HDAC4: variants seen among roughly 807,000 people sequenced by gnomAD.
HDAC4 encodes the protein histone deacetylase A.
In HDAC4, 16 loss-of-function variants were observed where a neutral mutation model predicts 135.1. That is an observed-to-expected ratio of 0.12 (90% CI 0.08 to 0.18). The LOEUF (loss-of-function observed/expected upper bound fraction) is 0.18, where lower values mean the gene tolerates loss of function less well. Among genes scored for constraint, HDAC4 ranks in the 10% least tolerant of loss-of-function variants. The pLI, the probability that HDAC4 is intolerant of heterozygous loss-of-function variation, is 1.00. For missense variants in HDAC4, 1,143 were observed against 1,511.8 expected, an observed-to-expected ratio of 0.76 and a Z score of 4.05; for synonymous variants, 685 against 653.4, an observed-to-expected ratio of 1.05 and a Z score of -0.74.
intron 22 of HDAC4, among the ~76,000 whole-genome samples, chr2:239,072,483 G>A (rs780694200): frequency 1.2e-4 from 18 of 152,192 alleles, no homozygotes; most frequent in Non-Finnish European, 2.4e-4. Context: ...AGCCTGTCCT[G>A]CACCGAAGCA....
chr2:239,384,236 G>A (rs1447795886), intron 1 of HDAC4, among the ~76,000 whole-genome samples: 1 of 152,138 alleles, frequency 6.6e-6, no homozygotes, highest in Non-Finnish European at 1.5e-5. Flanking sequence ...TGCGTGGGCT[G>A]AAAAGATCCA....
chr2:239,158,644 A>AGACCTCACAGGAGC (rs1443318240), intron 6 of HDAC4, among the ~76,000 whole-genome samples: 2 of 152,026 alleles, frequency 1.3e-5, no homozygotes, highest in African/African-American at 4.8e-5. Flanking sequence ...ATGGATCCAG[A>AGACCTCACAGGAGC]GACCTCACAG....
chr2:239,069,990 C>T (rs2034006067), intron 22 of HDAC4, among the ~76,000 whole-genome samples: 1 of 151,958 alleles, frequency 6.6e-6, no homozygotes. Flanking sequence ...CCACCCTGGC[C>T]CTGTCCCGTC....
At chr2:239,334,207 T>C (rs777039775) in intron 2 of HDAC4, among the ~76,000 whole-genome samples, 29 of 151,958 alleles carry the variant, frequency 1.9e-4, no homozygotes, top group Non-Finnish European at 1.0e-4. Context: ...AACCTAGAAG[T>C]AAATCTAACA....
intron 5 of HDAC4, among the ~76,000 whole-genome samples, chr2:239,173,357 A>G: frequency 6.6e-6 from 1 of 152,238 alleles, no homozygotes; most frequent in East Asian, 1.9e-4. Flanking sequence ...TTTATATTCA[A>G]ATAAATCCAT....
chr2:239,170,033 T>G (rs1028983952), intron 5 of HDAC4, among the ~76,000 whole-genome samples: 2 of 152,118 alleles, frequency 1.3e-5, no homozygotes, highest in African/African-American at 2.4e-5. Context: ...CCAGTTAAAG[T>G]GAAAAAACAT....
chr2:239,379,162 GGCC>G lies in HDAC4; in HGVS notation c.-220+21813_-220+21815del, dbSNP rs1463024020. 3.9e-5 allele frequency among the ~76,000 whole-genome samples: 6 copies of G among 152,326 alleles called. No individual in the cohort carries two copies. The South Asian group carries it at 1.0e-3, about 26-fold the overall frequency. On this transcript the variant is annotated intron_variant, in intron 1 of 26. Coordinates refer to ENST00000543185, the MANE Select transcript of HDAC4 (RefSeq NM_001378414.1). The stretch of plus-strand genomic sequence containing the variant: ...CAGGAAGGCAGGAGCTGGGGGTGGA[GGCC>G]GCCAAGAAAAGCTGTTCCTCGGAGG...
rs559381348 is a variant in HDAC4, at chr2:239,391,732, C to A, written c.-220+9246G>T. Among the ~76,000 whole-genome samples, 76 of 152,272 alleles carry A rather than the reference C, an allele frequency of 5.0e-4. No homozygotes were observed. In the South Asian group the frequency reaches 0.016, roughly 31 times the overall value. On this transcript the variant is annotated intron_variant, in intron 1 of 26. Coordinates refer to ENST00000543185, the MANE Select transcript of HDAC4 (RefSeq NM_001378414.1). Reference sequence around the variant, plus strand: ...CACTGCAGGCACATTGGCAGTGTGACGAGCAGGAGAGAGCACATCCACCAA... The same window carrying A: ...CACTGCAGGCACATTGGCAGTGTGAAGAGCAGGAGAGAGCACATCCACCAA...
chr2:239,290,716 A>G (rs575778740), intron 2 of HDAC4, among the ~76,000 whole-genome samples: 1 of 151,996 alleles, frequency 6.6e-6, no homozygotes, highest in East Asian at 1.9e-4. Context: ...ACACACTCAC[A>G]TACGCACTCA....
chr2:239,158,062 G>A (rs1294898451), intron 6 of HDAC4, among the ~76,000 whole-genome samples: 1 of 152,244 alleles, frequency 6.6e-6, no homozygotes, highest in Non-Finnish European at 1.5e-5. Flanking sequence ...TGCAGGGCTG[G>A]GACACGCCTG....
chr2:239,115,341 G>C lies in HDAC4; in HGVS notation c.1534-31C>G, dbSNP rs768376357. 7 of 1,612,544 alleles carry C rather than the reference G, an allele frequency of 4.3e-6. No homozygotes were observed. Among genetic ancestry groups the C allele is most frequent in the African/African-American group, 1.3e-5 (1 of 74,922 alleles). ...AGGCGGAGGTAACACATGAAGCACA[G>C]AGAGCTGGGTCCTCTGAGCTCATCT... On this transcript the variant is annotated intron_variant, in intron 12 of 26. Coordinates refer to ENST00000543185, the MANE Select transcript of HDAC4 (RefSeq NM_001378414.1). This position sits in a 1 kb window ranked among gnomAD's most constrained non-coding sequence, Gnocchi z 6.3.
intron 2 of HDAC4, among the ~76,000 whole-genome samples, chr2:239,278,841 CG>C (rs1364231953): frequency 3.3e-5 from 5 of 152,032 alleles, no homozygotes; most frequent in African/African-American, 1.2e-4. Flanking sequence ...CCATTGGGGC[CG>C]GGGCCGGGAA....
At chr2:239,237,558 T>G (rs1455271369) in intron 2 of HDAC4, among the ~76,000 whole-genome samples, 1 of 148,866 alleles carries the variant, frequency 6.7e-6, no homozygotes, top group Non-Finnish European at 1.5e-5. Context: ...CAAAAACGAC[T>G]AACATCAGGT....
intron 16 of HDAC4, among the ~76,000 whole-genome samples, chr2:239,101,117 G>T (rs534707872): frequency 6.6e-6 from 1 of 152,264 alleles, no homozygotes; most frequent in South Asian, 2.1e-4. Flanking sequence ...TCGTGAACCT[G>T]CTCAGCCACA....
chr2:239,212,409 A>G (rs2046394620), intron 3 of HDAC4, among the ~76,000 whole-genome samples: 1 of 152,196 alleles, frequency 6.6e-6, no homozygotes, highest in African/African-American at 2.4e-5. Context: ...GAAAAAAGGA[A>G]AAAAGATATA....
chr2:239,082,533 GCCA>G (rs1422781420), intron 20 of HDAC4, among the ~76,000 whole-genome samples: 1 of 152,208 alleles, frequency 6.6e-6, no homozygotes, highest in Non-Finnish European at 1.5e-5. Context: ...AGGCCTAGAG[GCCA>G]CCATTTCCCA....
chr2:239,229,373 G>T (rs1198150469), intron 3 of HDAC4, among the ~76,000 whole-genome samples: 1 of 152,164 alleles, frequency 6.6e-6, no homozygotes, highest in African/African-American at 2.4e-5. Flanking sequence ...CCGGCCCTCA[G>T]GTTAACTTGA....
At chr2:239,071,295 A>G (rs2034175837) in intron 22 of HDAC4, among the ~76,000 whole-genome samples, 1 of 152,058 alleles carries the variant, frequency 6.6e-6, no homozygotes, top group African/African-American at 2.4e-5. Flanking sequence ...TGCACCTATA[A>G]TCCCAGCTAC....
chr2:239,384,483 G>A (rs1227026575), intron 1 of HDAC4, among the ~76,000 whole-genome samples: 1 of 151,114 alleles, frequency 6.6e-6, no homozygotes, highest in African/African-American at 2.4e-5. Context: ...CAGATGTGGT[G>A]GTGCACGCCT....
Sources: allele counts gnomAD v4.1 joint callset (sites outside exome capture counted in the v4.1 genomes callset), GRCh38; gene constraint gnomAD v4.1.1; non-coding constraint Gnocchi (gnomAD v3.1); transcripts MANE v1.5; gene names NCBI Gene and HGNC (gene_info 2026-07-23, HGNC 2026-07-21).